The following SDR42E2 variants were observed in gnomAD, a reference collection of about 807,000 sequenced individuals.
SDR42E2 encodes the protein putative short-chain dehydrogenase/reductase family 42E member 2.
In SDR42E2, 20 loss-of-function variants were observed where a neutral mutation model predicts 10.5. That is an observed-to-expected ratio of 1.90 (90% CI 1.34 to 2.77). The LOEUF (loss-of-function observed/expected upper bound fraction) is 2.77. SDR42E2 is among the 30% of genes most tolerant of loss of function. SDR42E2 has a pLI of 0.00. For missense variants in SDR42E2, 162 were observed against 104.2 expected (o/e 1.55, Z -2.42); for synonymous variants, 72 against 39.2 (o/e 1.84, Z -3.12).
chr16:22,176,095 T>C (rs2046642733), intron 7 of SDR42E2, among the ~76,000 whole-genome samples: 1 of 152,182 alleles, frequency 6.6e-6, no homozygotes, highest in Non-Finnish European at 1.5e-5. Flanking sequence ...AACTATTTAT[T>C]GTGTATTTTC....
chr16:22,173,032 C>T (rs773658498), intron 7 of SDR42E2, among the ~76,000 whole-genome samples: 3 of 152,196 alleles, frequency 2.0e-5, no homozygotes, highest in South Asian at 4.2e-4. Flanking sequence ...CTTCCTGCCT[C>T]GAACTCCCAA....
In SDR42E2 at chr16:22,166,429, A is replaced by G; in HGVS notation, c.235A>G (p.Ile79Val). Residue 79 changes from isoleucine (I) to valine (V), a missense_variant, in exon 3 of 13, where the codon ATC (isoleucine) becomes GTC (valine). Physicochemically the swap from Ile to Val is conservative, Grantham distance 29. Coordinates refer to ENST00000602312, the MANE Select transcript of SDR42E2 (RefSeq NM_001394319.2). The stretch of plus-strand genomic sequence containing the variant: ...GGAACTGTCCCCGGAAACCAAGTTC[A>G]TCCAGGTACAAGGAACAAGGGTCTT... Reference protein sequence around the residue: ...QWELSPETKFIQADVRDEEAL... With the variant: ...QWELSPETKFVQADVRDEEAL... The G allele has an allele frequency of 2.5e-6, 1 of 402,518 alleles. No homozygotes were observed. Among genetic ancestry groups the G allele is most frequent in the Non-Finnish European group, 4.4e-6 (1 of 227,150 alleles). The allele number at this position is 402,518 out of a possible 1,614,324, so 24.9% of individuals were successfully genotyped here.
chr16:22,189,376 A>G (rs542810463), intron 12 of SDR42E2, among the ~76,000 whole-genome samples: 5 of 152,176 alleles, frequency 3.3e-5, no homozygotes, highest in African/African-American at 9.6e-5. Flanking sequence ...CCCCTGTGCG[A>G]CCCCAGGCAA....
At chr16:22,172,370 G>A (rs1207157510) in intron 7 of SDR42E2, 39 bp downstream of exon 7, 1 of 703,470 alleles carries the variant, frequency 1.4e-6, no homozygotes, top group Non-Finnish European at 2.6e-6. Flanking sequence ...AAATGCACCT[G>A]CCCACTGCTG....
At chr16:22,174,452 A>T (rs1436999778) in intron 7 of SDR42E2, among the ~76,000 whole-genome samples, 1 of 152,084 alleles carries the variant, frequency 6.6e-6, no homozygotes, top group Admixed American at 6.6e-5. Flanking sequence ...GGAGAGTTTA[A>T]CACCAGAGCC....
chr16:22,190,244 G>C lies in SDR42E2; in HGVS notation c.1120G>C (p.Val374Leu). 2.5e-6 allele frequency: 1 copy of C among 401,200 alleles called. No individual in the cohort carries two copies. Among genetic ancestry groups the C allele is most frequent in the Non-Finnish European group, 4.4e-6 (1 of 226,204 alleles). 24.9% of individuals were successfully genotyped at this position (401,200 alleles called of 1,614,324 possible). The change falls in exon 13 of 13, where the codon GTG becomes CTG. Residue 374 changes from valine to leucine, a missense_variant. By Grantham distance (32) the Val-to-Leu change is conservative. Coordinates refer to ENST00000602312, the MANE Select transcript of SDR42E2 (RefSeq NM_001394319.2). ...GTTCGCCGACGCCGTGGAGCTATAC[G>C]TGCAGTCCACGACCCGGCGGCCCCG... ...FRFADAVELY[V>L]QSTTRRPRGS...
intron 6 of SDR42E2, 41 bp downstream of exon 6, chr16:22,170,992 C>T (rs559012144): frequency 1.1e-4 from 78 of 702,262 alleles, no homozygotes; most frequent in Admixed American, 6.4e-4. Context: ...CCCGCGGGCC[C>T]GGGACCCACA....
At chr16:22,187,545 A>C (rs2046744277) in intron 12 of SDR42E2, among the ~76,000 whole-genome samples, 1 of 151,282 alleles carries the variant, frequency 6.6e-6, no homozygotes, top group Admixed American at 6.6e-5. Flanking sequence ...TCAAGGCTGC[A>C]GATTGCACCA....
chr16:22,164,039 C>T (rs1166559525), intron 1 of SDR42E2, among the ~76,000 whole-genome samples: 2 of 146,004 alleles, frequency 1.4e-5, no homozygotes, highest in Admixed American at 1.4e-4. Flanking sequence ...GGTCATCCAG[C>T]CTCATCCTCA....
chr16:22,165,843 T>C (rs2046530822), intron 2 of SDR42E2, among the ~76,000 whole-genome samples: 1 of 152,086 alleles, frequency 6.6e-6, no homozygotes, highest in East Asian at 1.9e-4. Context: ...GTCTAGGGCC[T>C]GGGCCAGGAG....
chr16:22,167,740 T>G (rs1212024546), intron 4 of SDR42E2, among the ~76,000 whole-genome samples: 1 of 152,178 alleles, frequency 6.6e-6, no homozygotes, highest in Non-Finnish European at 1.5e-5. Context: ...TTAAATAAAT[T>G]GTGTTTTACA....
chr16:22,174,890 G>T (rs559141961), intron 7 of SDR42E2, among the ~76,000 whole-genome samples: 1 of 152,128 alleles, frequency 6.6e-6, no homozygotes, highest in African/African-American at 2.4e-5. Flanking sequence ...AAAATTAGCT[G>T]CAAGCTGTTT....
At chr16:22,186,640 C>T (rs1411008862) in intron 11 of SDR42E2, 81 bp from the exon 12 acceptor site, 2 of 400,954 alleles carry the variant, frequency 5.0e-6, no homozygotes, top group Non-Finnish European at 8.8e-6. Flanking sequence ...AATGGTGTCC[C>T]CCATTGATTT....
intron 7 of SDR42E2, among the ~76,000 whole-genome samples, chr16:22,172,862 C>T (rs1413594382): frequency 1.3e-5 from 2 of 152,176 alleles, no homozygotes; most frequent in Admixed American, 6.6e-5. Flanking sequence ...CTTACTGCAG[C>T]CTCAAACTCC....
chr16:22,183,135 A>G (rs943835460), intron 10 of SDR42E2, among the ~76,000 whole-genome samples: 4 of 151,366 alleles, frequency 2.6e-5, no homozygotes, highest in South Asian at 2.1e-4. Flanking sequence ...GTTTTGTTTC[A>G]TTTTTTTGAG....
intron 8 of SDR42E2, 22 bp from the exon 9 acceptor site, chr16:22,181,497 A>G (rs1009456007): frequency 1.4e-6 from 1 of 703,010 alleles, no homozygotes; most frequent in Admixed American, 2.0e-5. Context: ...AAGCCTGTTT[A>G]TCACCCACTC....
At chr16:22,164,665 A>G (rs1191666169) in intron 1 of SDR42E2, among the ~76,000 whole-genome samples, 1 of 152,190 alleles carries the variant, frequency 6.6e-6, no homozygotes, top group African/African-American at 2.4e-5. Context: ...AGCCACCCAC[A>G]CTACTGTCGG....
At chr16:22,177,432 G>A (rs1340639495) in intron 7 of SDR42E2, among the ~76,000 whole-genome samples, 1 of 152,060 alleles carries the variant, frequency 6.6e-6, no homozygotes, top group Non-Finnish European at 1.5e-5. Context: ...TTCAAGACCA[G>A]CCTGGCCAAC....
intron 7 of SDR42E2, among the ~76,000 whole-genome samples, chr16:22,176,195 T>C (rs2046643845): frequency 6.6e-6 from 1 of 152,132 alleles, no homozygotes; most frequent in African/African-American, 2.4e-5. Context: ...CATGGCTCAC[T>C]GCAGCCTCAA....
Sources: gnomAD v4.1 joint callset for allele counts (sites outside exome capture counted in the v4.1 genomes callset) on GRCh38, gnomAD v4.1.1 for gene constraint, MANE v1.5 for transcripts, NCBI Gene and HGNC (gene_info 2026-07-23, HGNC 2026-07-21) for gene names.